Variants in RUFY3 observed in about 807,000 individuals in gnomAD.
The protein encoded by RUFY3 is RUN and FYVE domain containing 3, also known as protein RUFY3.
Under a neutral mutation model 84.0 loss-of-function variants are expected in RUFY3, and 34 were observed. The ratio of observed to expected loss-of-function variants is 0.40; its 90% CI spans 0.31 to 0.54. The LOEUF (loss-of-function observed/expected upper bound fraction) is 0.54. Among genes scored for constraint, RUFY3 ranks in the 20% least tolerant of loss-of-function variants. The pLI, the probability that RUFY3 is intolerant of heterozygous loss-of-function variation, is 0.39. For synonymous variants in RUFY3, 242 were observed against 252.9 expected (o/e 0.96, Z 0.41); for missense variants, 507 against 736.8 (o/e 0.69, Z 3.61).
intron 7 of RUFY3, among the ~76,000 whole-genome samples, chr4:70,775,504 T>C (rs1727788579): frequency 6.8e-6 from 1 of 147,882 alleles, no homozygotes; most frequent in Non-Finnish European, 1.5e-5. Context: ...AGTGATTAAA[T>C]AGATAAATAC....
chr4:70,708,903 A>G (rs1740658483), intron 1 of RUFY3, among the ~76,000 whole-genome samples: 1 of 152,160 alleles, frequency 6.6e-6, no homozygotes, highest in Admixed American at 6.5e-5. Flanking sequence ...TTAAATTAAA[A>G]ATAAGTTAGC....
chr4:70,806,295 T>A (rs1199344068), intron 17 of RUFY3, among the ~76,000 whole-genome samples: 1 of 152,238 alleles, frequency 6.6e-6, no homozygotes, highest in East Asian at 1.9e-4. Context: ...CTGTTTTTAT[T>A]TTTAACTCTA....
intron 1 of RUFY3, among the ~76,000 whole-genome samples, chr4:70,710,856 A>G (rs1740901825): frequency 6.6e-6 from 1 of 151,698 alleles, no homozygotes; most frequent in African/African-American, 2.4e-5. Flanking sequence ...TGAGGTCAGG[A>G]GTTCAAGACC....
intron 1 of RUFY3, among the ~76,000 whole-genome samples, chr4:70,713,009 A>G (rs1741151349): frequency 6.6e-6 from 1 of 152,134 alleles, no homozygotes; most frequent in African/African-American, 2.4e-5. Flanking sequence ...ATTGTGTGAA[A>G]GGAAATTTTT....
rs58429331 is a variant in RUFY3 at position 70,759,356 on chromosome 4, T to TG, written c.179-3163_179-3162insG. 7.1e-3 allele frequency among the ~76,000 whole-genome samples: 850 copies of TG among 119,988 alleles called. 7 individuals carry two copies. Among genetic ancestry groups the TG allele is most frequent in the African/African-American group, 0.024 (761 of 31,436 alleles). 78.7% of individuals were successfully genotyped at this position (119,988 alleles called of 152,430 possible). ...GATTTCATTCTTTTTATGGCTGAAT[T>TG]TGTGTGTGTGTGTGTATGTGTGTGT... On this transcript the variant is annotated intron_variant, in intron 1 of 17. Coordinates refer to ENST00000381006, the MANE Select transcript of RUFY3 (RefSeq NM_001037442.4).
intron 10 of RUFY3, among the ~76,000 whole-genome samples, chr4:70,788,602 G>T (rs1407493406): frequency 6.6e-6 from 1 of 151,874 alleles, no homozygotes; most frequent in East Asian, 1.9e-4. Context: ...TACATTATTG[G>T]GCAAATGTTA....
At chr4:70,707,084 C>T (rs1295056733) in intron 1 of RUFY3, among the ~76,000 whole-genome samples, 1 of 152,136 alleles carries the variant, frequency 6.6e-6, no homozygotes, top group East Asian at 1.9e-4. Context: ...ACTGGACTCC[C>T]TCATTGTTAA....
At chr4:70,786,690 TA>T (rs923332236) in intron 10 of RUFY3, among the ~76,000 whole-genome samples, 8 of 152,152 alleles carry the variant, frequency 5.3e-5, no homozygotes, top group African/African-American at 1.7e-4. Context: ...ATACTTTTTT[TA>T]AAAAGAATTT....
chr4:70,804,411 A>G lies in RUFY3; in HGVS notation c.1714A>G (p.Thr572Ala). 2 of 1,613,838 alleles carry G rather than the reference A, an allele frequency of 1.2e-6. No homozygotes were observed. The highest frequency in any genetic ancestry group is 1.7e-6 in the Non-Finnish European group (2 of 1,179,794). Residue 572 changes from threonine to alanine, a missense_variant, in exon 17 of 18, where the codon ACA becomes GCA. Coordinates refer to ENST00000381006, the MANE Select transcript of RUFY3 (RefSeq NM_001037442.4). ...GCTATGCCAGGAAGACGGCAGCCTA[A>G]CAAAGGTAACTGTGATGAGAAACGG... Reference protein sequence around the residue: ...CQLCQEDGSLTKNVCKNCSGT... With the variant: ...CQLCQEDGSLAKNVCKNCSGT...
intron 12 of RUFY3, chr4:70,791,618 T>C: frequency 9.0e-7 from 1 of 1,113,720 alleles, no homozygotes; most frequent in South Asian, 2.8e-5. Flanking sequence ...GCTCTGTACA[T>C]ATACTAATGA....
chr4:70,749,538 T>G (rs868166583), intron 1 of RUFY3, among the ~76,000 whole-genome samples: 39 of 130,896 alleles, frequency 3.0e-4, no homozygotes, highest in Non-Finnish European at 4.7e-4. Flanking sequence ...TTTTTTTTTT[T>G]GGTTATATAC....
Position 70,735,294 on chromosome 4 carries a change from C to T in RUFY3, c.178+12543C>T, listed in dbSNP as rs868852928. 3.3e-5 allele frequency among the ~76,000 whole-genome samples: 5 copies of T among 152,266 alleles called. No individual in the cohort carries two copies. The Middle Eastern group carries it at 0.01, about 311-fold the overall frequency. On this transcript the variant is annotated intron_variant, in intron 1 of 17. Transcript: ENST00000381006. Reference sequence around the variant, plus strand: ...TTTTCATTGTGGTTCCTCTAGTCCCCACCAGTCAACTGTGACTACTATGAA... The same window carrying T: ...TTTTCATTGTGGTTCCTCTAGTCCCTACCAGTCAACTGTGACTACTATGAA...
chr4:70,768,785 C>A, intron 5 of RUFY3, 124 bp downstream of exon 5: 1 of 871,012 alleles, frequency 1.1e-6, no homozygotes, highest in Non-Finnish European at 1.7e-6. Context: ...GGATTTCCTT[C>A]CATTTTGATG....
intron 1 of RUFY3, among the ~76,000 whole-genome samples, chr4:70,710,595 G>A (rs998341039): frequency 1.3e-5 from 2 of 151,970 alleles, no homozygotes; most frequent in Non-Finnish European, 2.9e-5. Flanking sequence ...ACTTGAACCC[G>A]GGAGGTAGAG....
intron 4 of RUFY3, among the ~76,000 whole-genome samples, chr4:70,766,541 G>A (rs924939455): frequency 5.3e-5 from 8 of 152,096 alleles, no homozygotes; most frequent in African/African-American, 1.4e-4. Flanking sequence ...CACCGCACCC[G>A]CCTGTTTCCA....
At chr4:70,767,990 T>A (rs1247822368) in intron 4 of RUFY3, among the ~76,000 whole-genome samples, 1 of 152,076 alleles carries the variant, frequency 6.6e-6, no homozygotes, top group African/African-American at 2.4e-5. Context: ...ATAATTTTTA[T>A]CCATTCAGAT....
chr4:70,740,006 A>AG (rs1721061400), intron 1 of RUFY3, among the ~76,000 whole-genome samples: 1 of 151,782 alleles, frequency 6.6e-6, no homozygotes, highest in South Asian at 2.1e-4. Context: ...AAAAAAAAAA[A>AG]AAAGATGAAA....
At chr4:70,719,738 A>G (rs1742047563), upstream of RUFY3, among the ~76,000 whole-genome samples, 1 of 152,212 alleles carries the variant, frequency 6.6e-6, no homozygotes, top group African/African-American at 2.4e-5. Flanking sequence ...TTGGCTAGAA[A>G]GGAATTGAAC....
rs1577941270 is a variant in RUFY3 at position 70,722,418 on chromosome 4, T to C, written c.-156T>C. On this transcript the variant is annotated 5_prime_UTR_variant, in exon 1 of 18. Transcript: ENST00000381006. ...TTAACCTATAAGGTATTTTTCCTTTTTTTTTTTTTTAAACCTCCCCCACCC... is the reference window on the plus strand; with the variant it reads ...TTAACCTATAAGGTATTTTTCCTTTCTTTTTTTTTTAAACCTCCCCCACCC... 1.5e-6 allele frequency: 2 copies of C among 1,337,032 alleles called. No homozygotes were observed. Among genetic ancestry groups the C allele is most frequent in the Non-Finnish European group, 1.9e-6 (2 of 1,040,496 alleles). 82.8% of individuals were successfully genotyped at this position (1,337,032 alleles called of 1,614,324 possible).
Sources: gnomAD v4.1 joint callset for allele counts (sites outside exome capture counted in the v4.1 genomes callset) on GRCh38, gnomAD v4.1.1 for gene constraint, MANE v1.5 for transcripts, NCBI Gene and HGNC (gene_info 2026-07-23, HGNC 2026-07-21) for gene names.